PDE4D: variants seen among roughly 807,000 people sequenced by gnomAD.
PDE4D encodes the protein 3',5'-cyclic-AMP phosphodiesterase 4D.
A neutral mutation model predicts 87.4 loss-of-function variants in PDE4D; 24 were observed. The observed-to-expected ratio is 0.27, with a 90% CI of 0.20 to 0.39. PDE4D has a LOEUF of 0.39. PDE4D is among the 10% of genes least tolerant of loss of function. The pLI is 1.00. For missense variants in PDE4D, 714 were observed against 1,041.0 expected (o/e 0.69, Z 4.32); for synonymous variants, 384 against 383.2 (o/e 1.00, Z -0.02).
At chr5:59,780,504 G>A (rs1028693871) in intron 1 of PDE4D, among the ~76,000 whole-genome samples, 6 of 152,196 alleles carry the variant, frequency 3.9e-5, no homozygotes, top group South Asian at 2.1e-4. Context: ...TTTCTTTTTC[G>A]GTAATTTTCT....
chr5:60,179,558 A>ATTTTTT (rs1784211038), intron 2 of PDE4D, among the ~76,000 whole-genome samples: 3 of 152,108 alleles, frequency 2.0e-5, no homozygotes, highest in Non-Finnish European at 4.4e-5. Context: ...AAATTATGCA[A>ATTTTTT]GCTATTGGAA....
intron 1 of PDE4D, among the ~76,000 whole-genome samples, chr5:59,832,147 GGCA>G (rs1741341899): frequency 6.6e-6 from 1 of 152,078 alleles, no homozygotes. Context: ...AATGGCATTA[GGCA>G]GTTCAAGCAC....
intron 1 of PDE4D, among the ~76,000 whole-genome samples, chr5:59,409,905 C>A (rs1792355301): frequency 2.0e-5 from 3 of 151,936 alleles, no homozygotes; most frequent in African/African-American, 7.3e-5. Context: ...AAGAAGAATT[C>A]TTCTTGGTTA....
At chr5:59,841,712 A>G (rs922699885) in intron 1 of PDE4D, among the ~76,000 whole-genome samples, 3 of 152,076 alleles carry the variant, frequency 2.0e-5, no homozygotes, top group Non-Finnish European at 4.4e-5. Flanking sequence ...CCCAAGTTCC[A>G]AAGTGGGAAC....
chr5:60,236,830 G>A (rs140594789), intron 1 of PDE4D, among the ~76,000 whole-genome samples: 1 of 151,970 alleles, frequency 6.6e-6, no homozygotes, highest in African/African-American at 2.4e-5. Flanking sequence ...ACAAGATGAG[G>A]AAACAAATTC....
At chr5:60,068,266 T>C (rs1235158205) in intron 2 of PDE4D, among the ~76,000 whole-genome samples, 1 of 152,138 alleles carries the variant, frequency 6.6e-6, no homozygotes. Context: ...CATTCTACTA[T>C]AGTAGGTGTT....
At chr5:59,095,196 C>G (rs1188332345) in intron 5 of PDE4D, among the ~76,000 whole-genome samples, 1 of 151,402 alleles carries the variant, frequency 6.6e-6, no homozygotes, top group African/African-American at 2.4e-5. Context: ...CAACTAATGA[C>G]CCACCATTCA....
intron 1 of PDE4D, among the ~76,000 whole-genome samples, chr5:59,843,865 G>A (rs193208862): frequency 1.2e-3 from 182 of 152,186 alleles, no homozygotes; most frequent in African/African-American, 4.3e-3. Context: ...TGAGACCTGT[G>A]ACAAGAATGG....
intron 1 of PDE4D, among the ~76,000 whole-genome samples, chr5:59,767,066 C>T (rs559894091): frequency 1.3e-5 from 2 of 152,292 alleles, no homozygotes; most frequent in African/African-American, 4.8e-5. Context: ...AACATCAATG[C>T]ATTCCTGAGC....
chr5:58,989,842 G>A lies in PDE4D; in HGVS notation c.1365C>T (p.Tyr455=). 6.3e-7 allele frequency: 1 copy of A among 1,594,532 alleles called. No homozygotes were observed. The highest frequency in any genetic ancestry group is 8.6e-7 in the Non-Finnish European group (1 of 1,162,376). The change falls in exon 10 of 15, where the codon TAC becomes TAT. Residue 455 remains tyrosine, a synonymous_variant. Transcript: ENST00000340635. ...TGTTGTGATAGGCCACATCAGCATG[G>A]TAATGGTCTTCGAGAGTCATAAGAT... is the stretch of plus-strand genomic sequence containing the variant. ...ITYLMTLEDH[Y]HADVAYHNNI...
At chr5:59,599,210 T>C (rs769624191) in intron 1 of PDE4D, among the ~76,000 whole-genome samples, 2 of 150,224 alleles carry the variant, frequency 1.3e-5, no homozygotes, top group Non-Finnish European at 3.0e-5. Context: ...ATGTAGTAGA[T>C]AGCAAAATGC....
At chr5:59,511,697 T>C (rs1810312459) in intron 1 of PDE4D, among the ~76,000 whole-genome samples, 1 of 152,044 alleles carries the variant, frequency 6.6e-6, no homozygotes, top group Admixed American at 6.6e-5. Flanking sequence ...TTGATAAATA[T>C]GAAAATGAAT....
At chr5:59,721,505 T>C (rs148969720) in intron 1 of PDE4D, among the ~76,000 whole-genome samples, 13 of 152,240 alleles carry the variant, frequency 8.5e-5, no homozygotes, top group African/African-American at 3.1e-4. Flanking sequence ...TTTCATTCAA[T>C]CAACAATATT....
intron 5 of PDE4D, among the ~76,000 whole-genome samples, chr5:59,044,405 C>T (rs114649594): frequency 0.043 from 6,564 of 152,262 alleles, 218 homozygotes; most frequent in Non-Finnish European, 0.067. Flanking sequence ...GTTCCAGCTT[C>T]TCTTCTCTTA....
chr5:60,411,940 A>C (rs1742079526), intron 1 of PDE4D, among the ~76,000 whole-genome samples: 1 of 152,158 alleles, frequency 6.6e-6, no homozygotes, highest in Non-Finnish European at 1.5e-5. Flanking sequence ...TTATCTTCCC[A>C]AAGATTCCCC....
intron 1 of PDE4D, among the ~76,000 whole-genome samples, chr5:59,657,555 C>G (rs1448751938): frequency 6.6e-6 from 1 of 152,108 alleles, no homozygotes; most frequent in Non-Finnish European, 1.5e-5. Context: ...TCCCTGTAAG[C>G]TTATAGTAAT....
chr5:59,812,866 T>G (rs142087709), intron 1 of PDE4D, among the ~76,000 whole-genome samples: 1 of 152,154 alleles, frequency 6.6e-6, no homozygotes, highest in Admixed American at 6.5e-5. Flanking sequence ...ATATACACAA[T>G]TGAAGGGATG....
intron 1 of PDE4D, among the ~76,000 whole-genome samples, chr5:59,479,146 A>G (rs1168781401): frequency 6.6e-6 from 1 of 152,094 alleles, no homozygotes; most frequent in African/African-American, 2.4e-5. Flanking sequence ...TCCTAGCTTC[A>G]TATTACAATT....
intron 5 of PDE4D, among the ~76,000 whole-genome samples, chr5:59,154,411 C>T (rs1454786411): frequency 2.0e-5 from 3 of 152,006 alleles, no homozygotes; most frequent in Non-Finnish European, 4.4e-5. Context: ...ATTTTTTACG[C>T]AATTCTGTAT....
Sources: allele counts gnomAD v4.1 joint callset (sites outside exome capture counted in the v4.1 genomes callset), GRCh38; gene constraint gnomAD v4.1.1; transcripts MANE v1.5; gene names NCBI Gene and HGNC (gene_info 2026-07-23, HGNC 2026-07-21).